The following ABCG8 variants were observed in gnomAD, a reference collection of about 807,000 sequenced individuals.
ABCG8 encodes ATP-binding cassette sub-family G member 8.
ABCG8 carries 81 observed loss-of-function variants against 71.3 expected under a neutral mutation model. The ratio of observed to expected loss-of-function variants is 1.14; its 90% CI spans 0.95 to 1.37. The LOEUF (loss-of-function observed/expected upper bound fraction) is 1.37. Ranked by LOEUF, ABCG8 falls within the 40% of genes most tolerant of loss-of-function variation. The pLI is 0.00. For missense variants in ABCG8, 1,119 were observed against 866.2 expected (o/e 1.29, Z -3.66); for synonymous variants, 451 against 354.7 (o/e 1.27, Z -3.05).
At chr2:43,873,716 CTG>C in intron 8 of ABCG8, 69 bp from the exon 9 acceptor site, 1 of 1,503,142 alleles carries the variant, frequency 6.7e-7, no homozygotes, top group Non-Finnish European at 9.3e-7. Context: ...CTTATGGAGA[CTG>C]TGACATTCCC....
At chr2:43,841,478 T>C (rs1383511584) in intron 1 of ABCG8, among the ~76,000 whole-genome samples, 1 of 152,220 alleles carries the variant, frequency 6.6e-6, no homozygotes, top group African/African-American at 2.4e-5. Flanking sequence ...AGGAAGAGTC[T>C]AACAAATCCT....
At chr2:43,854,626 C>CAA (rs759609173) in intron 6 of ABCG8, among the ~76,000 whole-genome samples, 1,374 of 74,412 alleles carry the variant, frequency 0.018, 24 homozygotes, top group African/African-American at 0.035. Flanking sequence ...GACTCCATCT[C>CAA]AAAAAAAAAA....
Position 43,872,125 on chromosome 2 carries a change from A to T in ABCG8, c.1114A>T (p.Thr372Ser), listed in dbSNP as rs147360326. ...AGAGACGAAGGATCTTGACGAGGAC[A>T]CCTGTGTGGAAAGGTAAGGTGGCAG... ...KAETKDLDED[T>S]CVESSVTPLD... is the part of the protein sequence containing the mutation. Residue 372 changes from threonine to serine, a missense_variant, in exon 7 of 13, where the codon ACC (threonine) becomes TCC (serine). Transcript: ENST00000272286. 27 of 1,614,102 alleles carry T rather than the reference A, an allele frequency of 1.7e-5. No individual in the cohort carries two copies. In the African/African-American group the frequency reaches 3.6e-4, roughly 22 times the overall value.
At chr2:43,848,850 T>C (rs1046527149) in intron 3 of ABCG8, among the ~76,000 whole-genome samples, 18 of 149,938 alleles carry the variant, frequency 1.2e-4, no homozygotes, top group Admixed American at 1.2e-3. Flanking sequence ...ACCCTGTCTC[T>C]ACTAAAAAAA....
In ABCG8 at chr2:43,848,123, AAAAAAC is replaced by A. The variant is rs1668803061; in HGVS notation, c.322+1824_322+1829del. 5 of 152,220 alleles carry A rather than the reference AAAAAAC, an allele frequency of 3.3e-5. No homozygotes were observed. In the South Asian group the frequency reaches 1.0e-3, roughly 32 times the overall value. The allele number at this position is 152,220 out of a possible 1,614,324, so 9.4% of individuals were successfully genotyped here. A position where few individuals can be genotyped will look rare whatever the true frequency, so the allele number is the denominator to read the frequency against. On this transcript the variant is annotated intron_variant, in intron 3 of 12. Coordinates refer to ENST00000272286, the MANE Select transcript of ABCG8 (RefSeq NM_022437.3). ...GCTTCAGGTTTACTTGCCTGTGTAA[AAAAAAC>A]AAAAACAAAAAACAAAACAACAACA...
rs763000556 is a variant in ABCG8, at chr2:43,852,444, C to A, written c.652C>A (p.Arg218Ser). 1 of 1,612,892 alleles carries A rather than the reference C, an allele frequency of 6.2e-7. No homozygotes were observed. The highest frequency in any genetic ancestry group is 8.5e-7 in the Non-Finnish European group (1 of 1,179,990). Residue 218 changes from arginine to serine, a missense_variant, in exon 5 of 13, where the codon CGC becomes AGC. By Grantham distance (110) the Arg-to-Ser change is moderately radical. Coordinates refer to ENST00000272286, the MANE Select transcript of ABCG8 (RefSeq NM_022437.3). The part of the protein sequence containing the change: ...MYVRGLSGGE[R>S]RRVSIGVQLL... ...CGTGCGGGGGTTGTCGGGGGGTGAG[C>A]GCAGGAGAGTCAGCATTGGGGTGCA...
At chr2:43,846,124 C>G (rs1286141301) in intron 2 of ABCG8, 31 bp from the exon 3 acceptor site, 7 of 1,611,902 alleles carry the variant, frequency 4.3e-6, no homozygotes, top group Non-Finnish European at 5.9e-6. Flanking sequence ...CCATTCAGCT[C>G]TCTAAGGAAC....
chr2:43,852,884 C>A lies in ABCG8; in HGVS notation c.964+16C>A. On this transcript the variant is annotated intron_variant, in intron 6 of 12. Coordinates refer to ENST00000272286, the MANE Select transcript of ABCG8 (RefSeq NM_022437.3). Reference sequence around the variant, plus strand: ...GACTTCTATGGTGAGTCCCCAAGGCCAGCAGCCAGGGCCCTGGCACACAGG... The same window carrying A: ...GACTTCTATGGTGAGTCCCCAAGGCAAGCAGCCAGGGCCCTGGCACACAGG... The A allele has an allele frequency of 6.2e-7, 1 of 1,613,426 alleles. No homozygotes were observed. The highest frequency in any genetic ancestry group is 8.5e-7 in the Non-Finnish European group (1 of 1,179,990).
chr2:43,870,208 TCTCACTGTCTGGATATAATC>T lies in ABCG8; in HGVS notation c.965-1761_965-1742del, dbSNP rs540269269. The stretch of plus-strand genomic sequence containing the variant: ...AGAACTCTCACAATCTGGATAGAAT[TCTCACTGTCTGGATATAATC>T]CTCACTCTCTGGATAGAACTAGCAC... On this transcript the variant is annotated intron_variant, in intron 6 of 12. Coordinates refer to ENST00000272286, the MANE Select transcript of ABCG8 (RefSeq NM_022437.3). Among the ~76,000 whole-genome samples the T allele has an allele frequency of 6.9e-3, 1,048 of 151,932 alleles. 11 individuals are homozygous for T. Among genetic ancestry groups the T allele is most frequent in the African/African-American group, 0.022 (918 of 41,472 alleles).
chr2:43,875,647 C>T (rs1310691351), intron 11 of ABCG8, among the ~76,000 whole-genome samples: 4 of 152,220 alleles, frequency 2.6e-5, no homozygotes, highest in African/African-American at 7.2e-5. Flanking sequence ...CCTTGACTGT[C>T]TCCCTCCCTC....
intron 6 of ABCG8, among the ~76,000 whole-genome samples, chr2:43,853,328 G>T (rs1668991377): frequency 6.6e-6 from 1 of 152,202 alleles, no homozygotes; most frequent in Non-Finnish European, 1.5e-5. Context: ...CTCTAGATGT[G>T]AAAATTGCTC....
At chr2:43,877,502 A>T in intron 11 of ABCG8, 59 bp from the exon 12 acceptor site, 2 of 1,611,284 alleles carry the variant, frequency 1.2e-6, no homozygotes, top group African/African-American at 1.3e-5. Flanking sequence ...CCATGCGAAT[A>T]TGGGGAAACC....
chr2:43,877,201 T>C (rs964713771), intron 11 of ABCG8, among the ~76,000 whole-genome samples: 1 of 146,726 alleles, frequency 6.8e-6, no homozygotes, highest in Non-Finnish European at 1.5e-5. Context: ...CATGGGAATA[T>C]GGGGAGACCA....
chr2:43,875,343 C>A lies in ABCG8; in HGVS notation c.1686C>A (p.Phe562Leu), dbSNP rs1442494843. The A allele has an allele frequency of 6.2e-7, 1 of 1,614,054 alleles. No individual in the cohort carries two copies. The highest frequency in any genetic ancestry group is 1.3e-5 in the African/African-American group (1 of 74,942). ...CCACCTTCCACATGGCCTCCTTCTT[C>A]AGCAATGCCCTCTACAACTCCTTCT... Reference protein sequence around the residue: ...LLPTFHMASFFSNALYNSFYL... With the variant: ...LLPTFHMASFLSNALYNSFYL... Residue 562 changes from phenylalanine to leucine, a missense_variant, in exon 11 of 13, where the codon TTC (phenylalanine) becomes TTA (leucine). By Grantham distance (22) the Phe-to-Leu change is conservative. Transcript: ENST00000272286.
chr2:43,874,516 C>CCCT (rs10667526), intron 10 of ABCG8, 33 bp downstream of exon 10: 2 of 1,548,606 alleles, frequency 1.3e-6, no homozygotes, highest in South Asian at 2.2e-5. Context: ...AAGTGCCCCC[C>CCCT]ACCCACCAGG....
chr2:43,855,181 T>A (rs1669060163), intron 6 of ABCG8, among the ~76,000 whole-genome samples: 1 of 151,912 alleles, frequency 6.6e-6, no homozygotes, highest in Non-Finnish European at 1.5e-5. Context: ...TATCTGGATA[T>A]AATTGTCGCC....
chr2:43,872,261 C>T lies in ABCG8; in HGVS notation c.1166C>T (p.Pro389Leu). 1 of 1,613,970 alleles carries T rather than the reference C, an allele frequency of 6.2e-7. No homozygotes were observed. The highest frequency in any genetic ancestry group is 8.5e-7 in the Non-Finnish European group (1 of 1,180,028). ...TPLDTNCLPS[P>L]TKMPGAVQQF... ...CTAGACACCAACTGCCTCCCGAGTC[C>T]TACGAAGATGCCTGGGGCGGTGCAG... Residue 389 changes from proline (P) to leucine (L), a missense_variant, in exon 8 of 13, where the codon CCT (proline) becomes CTT (leucine). Coordinates refer to ENST00000272286, the MANE Select transcript of ABCG8 (RefSeq NM_022437.3).
Position 43,859,006 on chromosome 2 carries a change from G to A in ABCG8, c.964+6138G>A, listed in dbSNP as rs1004916369. 3.7e-4 allele frequency among the ~76,000 whole-genome samples: 52 copies of A among 142,270 alleles called. 1 individual carries two copies. Among genetic ancestry groups the A allele is most frequent in the Non-Finnish European group, 4.7e-5 (3 of 63,994 alleles). 93.3% of individuals were successfully genotyped at this position (142,270 alleles called of 152,430 possible). A position where few individuals can be genotyped will look rare whatever the true frequency, so the allele number is the denominator to read the frequency against. On this transcript the variant is annotated intron_variant, in intron 6 of 12. Transcript: ENST00000272286. ...TGTCTGGCTATAATTCTCAAAATCT[G>A]GGTGGAACTCTCACTATCTATCTGG...
intron 3 of ABCG8, chr2:43,846,992 A>ACG (rs1266721577): frequency 1.3e-4 from 7 of 55,008 alleles, no homozygotes; most frequent in South Asian, 1.1e-3. Context: ...GCGCGCGTGC[A>ACG]CACACACACA....
Sources: allele counts gnomAD v4.1 joint callset (sites outside exome capture counted in the v4.1 genomes callset), GRCh38; gene constraint gnomAD v4.1.1; transcripts MANE v1.5; gene names NCBI Gene and HGNC (gene_info 2026-07-23, HGNC 2026-07-21).